Variants in GRIK4 observed in about 807,000 individuals in gnomAD.
GRIK4 encodes glutamate receptor ionotropic, kainate 4.
In GRIK4, 40 loss-of-function variants were observed where a neutral mutation model predicts 104.9. That is an observed-to-expected ratio of 0.38 (90% CI 0.30 to 0.50). The LOEUF is 0.50. GRIK4 is among the 20% of genes least tolerant of loss of function. GRIK4 has a pLI of 0.93. For synonymous variants in GRIK4, 485 were observed against 524.9 expected, an observed-to-expected ratio of 0.92 and a Z score of 1.04; for missense variants, 1,047 against 1,308.1, an observed-to-expected ratio of 0.80 and a Z score of 3.08.
chr11:120,964,181 G>A (rs974640759), intron 18 of GRIK4, among the ~76,000 whole-genome samples: 4 of 151,752 alleles, frequency 2.6e-5, no homozygotes, highest in African/African-American at 9.7e-5. Flanking sequence ...TGGTAGAGAC[G>A]GGGTTTCACC....
At position 120,888,555 on chromosome 11, in the gene GRIK4, T is replaced by C. The variant is rs189375296; in HGVS notation, c.1165-9977T>C. ...ACAAGTGACCAGGACTAGGAGTTCA[T>C]TGATGCAAAAGAATATATTTATTGA... is the stretch of plus-strand genomic sequence containing the variant. On this transcript the variant is annotated intron_variant, in intron 11 of 20. Coordinates refer to ENST00000527524, the MANE Select transcript of GRIK4 (RefSeq NM_014619.5). Among the ~76,000 whole-genome samples, 496 of 152,304 alleles carry C rather than the reference T, an allele frequency of 3.3e-3. 4 individuals carry two copies. Among genetic ancestry groups the C allele is most frequent in the Middle Eastern group, 0.024 (7 of 294 alleles).
chr11:120,627,690 G>C (rs1040168360), intron 1 of GRIK4, among the ~76,000 whole-genome samples: 1 of 152,202 alleles, frequency 6.6e-6, no homozygotes, highest in Non-Finnish European at 1.5e-5. Context: ...TGAGCTTGTG[G>C]CTTGGGGCCC....
chr11:120,826,722 C>G (rs1007479725), intron 6 of GRIK4, among the ~76,000 whole-genome samples: 1 of 152,230 alleles, frequency 6.6e-6, no homozygotes, highest in Non-Finnish European at 1.5e-5. Flanking sequence ...TCAGCTGGCT[C>G]CTCTCTCCCT....
At chr11:120,875,516 A>G (rs1954759757) in intron 11 of GRIK4, among the ~76,000 whole-genome samples, 1 of 152,178 alleles carries the variant, frequency 6.6e-6, no homozygotes, top group East Asian at 1.9e-4. Context: ...GGGAATTCCC[A>G]GGGAGGATTT....
Position 120,952,967 on chromosome 11 carries a change from A to G in GRIK4, c.1700+3A>G, listed in dbSNP as rs1591324416. On this transcript the variant is annotated splice_donor_region_variant and intron_variant, in intron 15 of 20. Coordinates refer to ENST00000527524, the MANE Select transcript of GRIK4 (RefSeq NM_014619.5). The surrounding 1 kb of genome is among the most constrained non-coding windows in gnomAD (Gnocchi z 5.2). The stretch of plus-strand genomic sequence containing the variant: ...TGTGTCCTCTTCCTGGTGGCTCGGT[A>G]CTCTCCTCTTCCCTTCCCTGTCCTT... 3.2e-6 allele frequency: 5 copies of G among 1,580,922 alleles called. No homozygotes were observed. The highest frequency in any genetic ancestry group is 2.3e-5 in the East Asian group (1 of 44,392).
intron 13 of GRIK4, among the ~76,000 whole-genome samples, chr11:120,925,980 AAAAAAAGAAAGAAAAAAAAG>A (rs1943336431): frequency 6.6e-6 from 1 of 152,010 alleles, no homozygotes; most frequent in African/African-American, 2.4e-5. Flanking sequence ...TCTCAAAAAA[AAAAAAAGAAAGAAAAAAAAG>A]AAAAAGAAAG....
chr11:120,888,882 G>A (rs1450190359), intron 11 of GRIK4, among the ~76,000 whole-genome samples: 1 of 152,218 alleles, frequency 6.6e-6, no homozygotes, highest in East Asian at 1.9e-4. Flanking sequence ...GCAACCCACA[G>A]TTTAACAAAA....
intron 3 of GRIK4, among the ~76,000 whole-genome samples, chr11:120,741,145 T>C (rs1322132042): frequency 6.6e-6 from 1 of 152,168 alleles, no homozygotes; most frequent in Non-Finnish European, 1.5e-5. Flanking sequence ...AGCCCCTGCA[T>C]GCATTAACTC....
chr11:120,956,995 G>A lies in GRIK4; in HGVS notation c.1874+42G>A. 6.7e-7 allele frequency: 1 copy of A among 1,498,268 alleles called. No homozygotes were observed. The allele number at this position is 1,498,268 out of a possible 1,614,324, so 92.8% of individuals were successfully genotyped here. On this transcript the variant is annotated intron_variant, in intron 16 of 20. Coordinates refer to ENST00000527524, the MANE Select transcript of GRIK4 (RefSeq NM_014619.5). The surrounding 1 kb of genome is among the most constrained non-coding windows in gnomAD (Gnocchi z 4.6). ...AGGTGAACCAGGCCAGGTGGGGTGG[G>A]GACACAAAAGGGGCCCTCTGATAAG...
intron 3 of GRIK4, among the ~76,000 whole-genome samples, chr11:120,705,052 A>G (rs1452382485): frequency 6.6e-6 from 1 of 152,138 alleles, no homozygotes; most frequent in Non-Finnish European, 1.5e-5. Flanking sequence ...CATTGACTGT[A>G]TGACTATCCT....
intron 3 of GRIK4, among the ~76,000 whole-genome samples, chr11:120,765,317 A>T (rs1040221191): frequency 1.4e-4 from 22 of 151,808 alleles, no homozygotes; most frequent in African/African-American, 4.6e-4. Flanking sequence ...CAGGTCATTT[A>T]TGTTCTTTCC....
chr11:120,809,746 G>A (rs960176604), intron 4 of GRIK4, among the ~76,000 whole-genome samples: 4 of 152,212 alleles, frequency 2.6e-5, no homozygotes, highest in African/African-American at 4.8e-5. Context: ...GGCCTGATGT[G>A]TGTAGAATCC....
At chr11:120,682,180 T>C (rs940238794) in intron 3 of GRIK4, among the ~76,000 whole-genome samples, 1 of 152,158 alleles carries the variant, frequency 6.6e-6, no homozygotes, top group Admixed American at 6.5e-5. Context: ...GGAAGTCGAA[T>C]TGAAATGCAA....
intron 14 of GRIK4, among the ~76,000 whole-genome samples, chr11:120,944,757 G>A (rs945937689): frequency 1.3e-5 from 2 of 152,160 alleles, no homozygotes; most frequent in Non-Finnish European, 2.9e-5. Flanking sequence ...TGAGAACCAT[G>A]GACTCTGGAC....
At chr11:120,639,064 G>T (rs985547700) in intron 1 of GRIK4, among the ~76,000 whole-genome samples, 1 of 151,962 alleles carries the variant, frequency 6.6e-6, no homozygotes, top group African/African-American at 2.4e-5. Context: ...TGGACATGGT[G>T]GTGGGCGCCT....
At chr11:120,933,493 A>G (rs569633053) in intron 13 of GRIK4, among the ~76,000 whole-genome samples, 2 of 152,300 alleles carry the variant, frequency 1.3e-5, no homozygotes, top group East Asian at 3.9e-4. Flanking sequence ...CGCGTTACAG[A>G]TAAGCAAACT....
At chr11:120,536,648 G>A (rs374163159) in intron 1 of GRIK4, among the ~76,000 whole-genome samples, 10 of 152,124 alleles carry the variant, frequency 6.6e-5, no homozygotes, top group East Asian at 1.9e-4. Flanking sequence ...TCTGGTTGAC[G>A]TATGTATTGA....
chr11:120,749,876 T>G (rs1455260897), intron 3 of GRIK4, among the ~76,000 whole-genome samples: 1 of 152,226 alleles, frequency 6.6e-6, no homozygotes, highest in East Asian at 1.9e-4. Context: ...GCTGACAGAT[T>G]AGAAAGATAA....
intron 6 of GRIK4, among the ~76,000 whole-genome samples, chr11:120,831,575 C>T (rs1444419110): frequency 6.6e-6 from 1 of 152,060 alleles, no homozygotes; most frequent in Non-Finnish European, 1.5e-5. Context: ...TTATTCCACC[C>T]AAGGGAGCTT....
Sources: allele counts gnomAD v4.1 joint callset (sites outside exome capture counted in the v4.1 genomes callset), GRCh38; gene constraint gnomAD v4.1.1; non-coding constraint Gnocchi (gnomAD v3.1); transcripts MANE v1.5; gene names NCBI Gene and HGNC (gene_info 2026-07-23, HGNC 2026-07-21).